ARHGAP42: variants seen among roughly 807,000 people sequenced by gnomAD.
ARHGAP42 encodes rho GTPase-activating protein 42.
A neutral mutation model predicts 125.0 loss-of-function variants in ARHGAP42; 63 were observed. That is an observed-to-expected ratio of 0.50 (90% confidence interval 0.41 to 0.62). The LOEUF is 0.62. Among genes scored for constraint, ARHGAP42 ranks in the 20% least tolerant of loss-of-function variants. The pLI is 0.00. For synonymous variants in ARHGAP42, 339 were observed against 351.0 expected, an observed-to-expected ratio of 0.97 and a Z score of 0.38; for missense variants, 766 against 1,024.2, an observed-to-expected ratio of 0.75 and a Z score of 3.44.
chr11:100,828,201 T>C (rs1591215493), intron 3 of ARHGAP42, among the ~76,000 whole-genome samples: 1 of 152,176 alleles, frequency 6.6e-6, no homozygotes, highest in South Asian at 2.1e-4. Context: ...TGGCAAAGCA[T>C]GAGGGTAATA....
intron 1 of ARHGAP42, among the ~76,000 whole-genome samples, chr11:100,714,862 A>T (rs1861628110): frequency 1.3e-5 from 2 of 151,928 alleles, no homozygotes; most frequent in African/African-American, 4.8e-5. Context: ...CCTGGGCAGC[A>T]TGGCGAAACC....
rs544663657 is a variant in ARHGAP42 at position 100,970,705 on chromosome 11, T to C, written c.1551-2470T>C. Among the ~76,000 whole-genome samples the C allele has an allele frequency of 1.3e-4, 20 of 152,276 alleles. No individual in the cohort carries two copies. In the East Asian group the frequency reaches 3.1e-3, roughly 24 times the overall value. On this transcript the variant is annotated intron_variant, in intron 17 of 23. Transcript: ENST00000298815. Reference sequence around the variant, plus strand: ...CAGAGTTTTCTGTTCTTATGGACTCTACCCCCTCTGGGTAAAATCTTTGAC... The same window carrying C: ...CAGAGTTTTCTGTTCTTATGGACTCCACCCCCTCTGGGTAAAATCTTTGAC...
intron 12 of ARHGAP42, among the ~76,000 whole-genome samples, chr11:100,951,584 T>C (rs7939782): frequency 0.45 from 67,839 of 151,958 alleles, 16,731 homozygotes; most frequent in African/African-American, 0.63. Flanking sequence ...TGAGTAGGGC[T>C]TCTGAATGGT....
At chr11:100,971,399 C>G (rs1858243108) in intron 17 of ARHGAP42, among the ~76,000 whole-genome samples, 1 of 152,076 alleles carries the variant, frequency 6.6e-6, no homozygotes, top group South Asian at 2.1e-4. Context: ...ATATACATTT[C>G]CTCTTTTAAT....
Position 100,976,892 on chromosome 11 carries a change from C to T in ARHGAP42, c.2314C>T (p.Pro772Ser). ...SKETPKASPN[P>S]DLPPKMCRRL... ...GGAGACACCCAAAGCTTCACCAAAC[C>T]CAGACCTGCCTCCGAAAATGTGCAG... The change falls in exon 21 of 24, where the codon CCA becomes TCA. Residue 772 changes from proline (P) to serine (S), a missense_variant. Around this residue, in one of 3 missense-constraint regions of ARHGAP42, gnomAD observed 308 missense variants for 369.7 expected, o/e 0.83. Transcript: ENST00000298815. 1.3e-6 allele frequency: 2 copies of T among 1,551,514 alleles called. No individual in the cohort carries two copies. The highest frequency in any genetic ancestry group is 1.7e-6 in the Non-Finnish European group (2 of 1,146,866).
chr11:100,868,368 A>G (rs1865622148), intron 4 of ARHGAP42, among the ~76,000 whole-genome samples: 1 of 152,202 alleles, frequency 6.6e-6, no homozygotes, highest in African/African-American at 2.4e-5. Flanking sequence ...ATCTTTTTTA[A>G]CAATAATAGT....
At position 100,987,600 on chromosome 11, in the gene ARHGAP42, T is replaced by A; in HGVS notation, c.2536+8T>A. 1 of 1,550,106 alleles carries A rather than the reference T, an allele frequency of 6.5e-7. No homozygotes were observed. Among genetic ancestry groups the A allele is most frequent in the Non-Finnish European group, 8.7e-7 (1 of 1,145,598 alleles). ...GAGCAATATTTTCTAATGGTAAGTA[T>A]GTCAATTCCCTCTGCCTAAGTTTGT... On this transcript the variant is annotated splice_region_variant and intron_variant, in intron 23 of 23. Transcript: ENST00000298815.
intron 1 of ARHGAP42, among the ~76,000 whole-genome samples, chr11:100,711,269 A>G (rs1385499984): frequency 1.3e-5 from 2 of 152,092 alleles, no homozygotes; most frequent in Admixed American, 1.3e-4. Context: ...CAATCTTTTC[A>G]TCAGCGTTTC....
At chr11:100,824,481 C>G (rs567182284) in intron 3 of ARHGAP42, among the ~76,000 whole-genome samples, 1 of 152,210 alleles carries the variant, frequency 6.6e-6, no homozygotes, top group South Asian at 2.1e-4. Context: ...TCAGTACATA[C>G]AGGTTATTGC....
At chr11:100,708,937 C>T (rs1232934938) in intron 1 of ARHGAP42, among the ~76,000 whole-genome samples, 1 of 152,164 alleles carries the variant, frequency 6.6e-6, no homozygotes, top group East Asian at 1.9e-4. Context: ...TAACAATGTA[C>T]TGTAATTAAA....
chr11:100,961,851 T>C, intron 15 of ARHGAP42, 83 bp downstream of exon 15: 1 of 1,166,780 alleles, frequency 8.6e-7, no homozygotes, highest in Non-Finnish European at 1.2e-6. Flanking sequence ...TCTTGGAGCC[T>C]GTGTCCAGAA....
intron 1 of ARHGAP42, among the ~76,000 whole-genome samples, chr11:100,763,856 T>C (rs927298953): frequency 2.0e-4 from 30 of 152,310 alleles, no homozygotes; most frequent in African/African-American, 6.7e-4. Flanking sequence ...GATTATTCCA[T>C]GTTCAGCATA....
intron 1 of ARHGAP42, among the ~76,000 whole-genome samples, chr11:100,693,940 CTTT>C (rs199994515): frequency 1.4e-5 from 2 of 145,342 alleles, no homozygotes; most frequent in African/African-American, 2.5e-5. Context: ...TCTTTTCTTT[CTTT>C]TTTTTTTTTG....
intron 6 of ARHGAP42, among the ~76,000 whole-genome samples, chr11:100,923,362 T>C (rs1245488577): frequency 2.0e-5 from 3 of 152,196 alleles, no homozygotes; most frequent in African/African-American, 7.2e-5. Flanking sequence ...CTTCAGACAC[T>C]GTGCTGATCT....
At chr11:100,775,114 G>A (rs1209252452) in intron 2 of ARHGAP42, among the ~76,000 whole-genome samples, 2 of 152,078 alleles carry the variant, frequency 1.3e-5, no homozygotes, top group Non-Finnish European at 2.9e-5. Context: ...GTGAGCTTTG[G>A]CCTGTTCCCT....
chr11:100,814,361 CAAAAA>C (rs11351569), intron 3 of ARHGAP42, among the ~76,000 whole-genome samples: 1 of 109,854 alleles, frequency 9.1e-6, no homozygotes, highest in Non-Finnish European at 1.9e-5. Context: ...GACTCCGTCT[CAAAAA>C]AAAAAAAAAA....
intron 2 of ARHGAP42, among the ~76,000 whole-genome samples, chr11:100,794,155 A>G (rs964224205): frequency 1.3e-4 from 20 of 150,858 alleles, no homozygotes; most frequent in Non-Finnish European, 1.0e-4. Context: ...TTGTGACCCA[A>G]ACATTCTAAC....
At chr11:100,903,706 CAA>C (rs749877720) in intron 4 of ARHGAP42, among the ~76,000 whole-genome samples, 8 of 32,542 alleles carry the variant, frequency 2.5e-4, no homozygotes, top group Non-Finnish European at 1.9e-4. Context: ...ACATGTCCCT[CAA>C]AATATATATA....
At chr11:100,782,896 C>T (rs1216677687) in intron 2 of ARHGAP42, among the ~76,000 whole-genome samples, 1 of 152,182 alleles carries the variant, frequency 6.6e-6, no homozygotes, top group Non-Finnish European at 1.5e-5. Context: ...TTGAAATATA[C>T]ACTTTCCTAC....
Sources: gnomAD v4.1 joint callset for allele counts (sites outside exome capture counted in the v4.1 genomes callset) on GRCh38, gnomAD v4.1.1 for gene constraint, gnomAD v4.1.1 regional missense constraint, MANE v1.5 for transcripts, NCBI Gene and HGNC (gene_info 2026-07-23, HGNC 2026-07-21) for gene names.